Variants in PDE7B observed in about 807,000 individuals in gnomAD.
The protein encoded by PDE7B is phosphodiesterase 7B, also known as 3',5'-cyclic-AMP phosphodiesterase 7B.
PDE7B carries 29 observed loss-of-function variants against 56.2 expected under a neutral mutation model. The observed-to-expected ratio is 0.52, with a 90% CI of 0.38 to 0.70. PDE7B has a LOEUF of 0.70. Among genes scored for constraint, PDE7B ranks in the 30% least tolerant of loss-of-function variants. The pLI is 0.00. For synonymous variants in PDE7B, 197 were observed against 196.9 expected (o/e 1.00, Z 0.00); for missense variants, 490 against 565.0 (o/e 0.87, Z 1.35).
chr6:135,883,258 G>A (rs1422709461), intron 1 of PDE7B, among the ~76,000 whole-genome samples: 1 of 152,094 alleles, frequency 6.6e-6, no homozygotes, highest in African/African-American at 2.4e-5. Context: ...ACATACACTA[G>A]GTGTCCTAAC....
At chr6:135,871,174 C>T (rs1775372446) in intron 1 of PDE7B, among the ~76,000 whole-genome samples, 1 of 152,110 alleles carries the variant, frequency 6.6e-6, no homozygotes. Flanking sequence ...TTATATGTGG[C>T]CCCTAATGAT....
At chr6:136,184,921 C>G (rs1359909316) in intron 11 of PDE7B, among the ~76,000 whole-genome samples, 1 of 152,010 alleles carries the variant, frequency 6.6e-6, no homozygotes, top group African/African-American at 2.4e-5. Context: ...AAGCAGGGAC[C>G]CTTGCAGGGT....
intron 1 of PDE7B, among the ~76,000 whole-genome samples, chr6:135,888,503 A>G (rs1775751152): frequency 1.3e-5 from 2 of 152,118 alleles, no homozygotes; most frequent in Admixed American, 1.3e-4. Context: ...CATGTATAAC[A>G]CCTTAGAATA....
At chr6:136,056,101 G>A (rs1455468235) in intron 2 of PDE7B, among the ~76,000 whole-genome samples, 1 of 152,070 alleles carries the variant, frequency 6.6e-6, no homozygotes, top group Non-Finnish European at 1.5e-5. Context: ...AGGAGGAGGA[G>A]GAATCTGGAT....
chr6:136,101,507 C>G (rs1777561739), intron 2 of PDE7B, among the ~76,000 whole-genome samples: 1 of 152,094 alleles, frequency 6.6e-6, no homozygotes, highest in Non-Finnish European at 1.5e-5. Context: ...GTGTATGTGT[C>G]CAGGAATCTA....
intron 2 of PDE7B, among the ~76,000 whole-genome samples, chr6:136,088,272 G>T (rs1272954636): frequency 6.6e-6 from 1 of 152,170 alleles, no homozygotes; most frequent in African/African-American, 2.4e-5. Context: ...CTATACCGGG[G>T]GCGGGCAGAG....
chr6:136,001,425 C>T (rs1391046869), intron 2 of PDE7B, among the ~76,000 whole-genome samples: 1 of 152,100 alleles, frequency 6.6e-6, no homozygotes, highest in East Asian at 1.9e-4. Context: ...AAATTCAAAC[C>T]AAAGGCAAAG....
intron 9 of PDE7B, among the ~76,000 whole-genome samples, chr6:136,178,228 T>G (rs920465041): frequency 7.9e-5 from 12 of 152,208 alleles, no homozygotes; most frequent in African/African-American, 2.9e-4. Flanking sequence ...GCAGTGTTCT[T>G]GACCTGAGTG....
In PDE7B at chr6:136,117,795, G is replaced by A. The variant is rs934817501; in HGVS notation, c.166+8981G>A. Among the ~76,000 whole-genome samples the A allele has an allele frequency of 2.0e-4, 30 of 152,160 alleles. 1 individual carries two copies. Among genetic ancestry groups the A allele is most frequent in the African/African-American group, 7.0e-4 (29 of 41,444 alleles). On this transcript the variant is annotated intron_variant, in intron 3 of 12. Transcript: ENST00000308191. ...AGCCTGGAAGCACAGGAGGATTGCT[G>A]TGAATACTAAAAATAAAAATGAGTC...
At position 136,157,220 on chromosome 6, in the gene PDE7B, C is replaced by T. The variant is rs186347731; in HGVS notation, c.711+1462C>T. ...TCTGAAATTCATATTGATCACCTAC[C>T]GTGTACCAGAAACTAACAGCTCTCC... On this transcript the variant is annotated intron_variant, in intron 8 of 12. Transcript: ENST00000308191. 6.6e-5 allele frequency among the ~76,000 whole-genome samples: 10 copies of T among 152,244 alleles called. No individual in the cohort carries two copies. In the East Asian group the frequency reaches 7.7e-4, roughly 12 times the overall value.
intron 5 of PDE7B, among the ~76,000 whole-genome samples, chr6:136,149,926 G>T (rs1778482632): frequency 6.6e-6 from 1 of 152,122 alleles, no homozygotes; most frequent in Non-Finnish European, 1.5e-5. Flanking sequence ...GACCTTTACA[G>T]TGTGGAAAGA....
At chr6:136,116,394 G>T (rs561027511) in intron 3 of PDE7B, among the ~76,000 whole-genome samples, 1 of 152,194 alleles carries the variant, frequency 6.6e-6, no homozygotes, top group Non-Finnish European at 1.5e-5. Flanking sequence ...AAGGTGAACC[G>T]TATAAAACAC....
At chr6:135,866,744 G>A (rs775766208) in intron 1 of PDE7B, among the ~76,000 whole-genome samples, 1 of 152,162 alleles carries the variant, frequency 6.6e-6, no homozygotes, top group African/African-American at 2.4e-5. Context: ...TTCTGTACAA[G>A]CTAATGTCTC....
chr6:135,878,905 CTT>C (rs1300947009), intron 1 of PDE7B, among the ~76,000 whole-genome samples: 1 of 152,044 alleles, frequency 6.6e-6, no homozygotes, highest in Non-Finnish European at 1.5e-5. Context: ...GGCCTGCCCC[CTT>C]TTTTTATTTG....
At chr6:136,111,664 C>T (rs1251993860) in intron 3 of PDE7B, among the ~76,000 whole-genome samples, 3 of 152,186 alleles carry the variant, frequency 2.0e-5, no homozygotes, top group Non-Finnish European at 4.4e-5. Flanking sequence ...TCATTCACGT[C>T]CTTGTTGTGG....
intron 2 of PDE7B, among the ~76,000 whole-genome samples, chr6:136,001,378 T>G (rs199543074): frequency 6.6e-6 from 1 of 152,124 alleles, no homozygotes; most frequent in Non-Finnish European, 1.5e-5. Context: ...GAGAGAAGAA[T>G]GCTTCAGACG....
At chr6:136,122,037 C>T (rs577578912) in intron 3 of PDE7B, among the ~76,000 whole-genome samples, 16 of 152,130 alleles carry the variant, frequency 1.1e-4, no homozygotes, top group African/African-American at 3.6e-4. Context: ...GCTGTGTCAC[C>T]CAGGCTGGAG....
chr6:135,870,769 A>G (rs1281924255), intron 1 of PDE7B, among the ~76,000 whole-genome samples: 2 of 152,012 alleles, frequency 1.3e-5, no homozygotes, highest in East Asian at 3.9e-4. Flanking sequence ...AACTGAATTT[A>G]AATTTATCAA....
chr6:136,030,709 G>C (rs1776233872), intron 2 of PDE7B, among the ~76,000 whole-genome samples: 1 of 152,192 alleles, frequency 6.6e-6, no homozygotes, highest in African/African-American at 2.4e-5. Flanking sequence ...TGAAAGAGCA[G>C]GTCTTGCTGA....
Sources: allele counts gnomAD v4.1 joint callset (sites outside exome capture counted in the v4.1 genomes callset), GRCh38; gene constraint gnomAD v4.1.1; transcripts MANE v1.5; gene names NCBI Gene and HGNC (gene_info 2026-07-23, HGNC 2026-07-21).